Variants in SCN1A observed in about 807,000 individuals in gnomAD.
The protein encoded by SCN1A is sodium channel protein type 1 subunit alpha.
SCN1A carries 13 observed loss-of-function variants against 193.7 expected under a neutral mutation model. The observed-to-expected ratio is 0.07, with a 90% CI of 0.04 to 0.11. SCN1A has a LOEUF of 0.11. Among genes scored for constraint, SCN1A ranks in the 10% least tolerant of loss-of-function variants. SCN1A has a pLI of 1.00. For missense variants in SCN1A, 1,432 were observed against 2,451.1 expected (o/e 0.58, Z 8.78); for synonymous variants, 781 against 843.6 (o/e 0.93, Z 1.29).
chr2:166,070,995 G>C (rs1486090801), intron 4 of SCN1A, among the ~76,000 whole-genome samples: 1 of 152,192 alleles, frequency 6.6e-6, no homozygotes, highest in African/African-American at 2.4e-5. Flanking sequence ...TGAGGACCCG[G>C]TGTCTGGGGG....
rs1574202373 is a variant in SCN1A, at chr2:166,041,303, A to G, written c.2343T>C (p.Asn781=). The stretch of plus-strand genomic sequence containing the variant: ...AGTGCTCCATGGCCATGAAAAGAGT[A>G]TTTAAGACAATACAGATGGTGATGG... The part of the protein sequence containing the change: ...DLAITICIVL[N]TLFMAMEHYP... Residue 781 remains asparagine, a synonymous_variant, in exon 16 of 29, where the codon AAT becomes AAC. Coordinates refer to ENST00000674923, the MANE Select transcript of SCN1A (RefSeq NM_001165963.4). 6.2e-7 allele frequency: 1 copy of G among 1,614,116 alleles called. No homozygotes were observed. The highest frequency in any genetic ancestry group is 1.1e-5 in the South Asian group (1 of 91,080).
rs1696356533 is a variant in SCN1A at position 166,036,295 on chromosome 2, C to A, written c.3182G>T (p.Cys1061Phe). 1 of 1,613,812 alleles carries A rather than the reference C, an allele frequency of 6.2e-7. No homozygotes were observed. The highest frequency in any genetic ancestry group is 8.5e-7 in the Non-Finnish European group (1 of 1,179,828). Reference sequence around the variant, plus strand: ...AATTTCTGCTGTATGATTGGACATACAACTGTCTTTCTTGTTGTTTAGATC... The same window carrying A: ...AATTTCTGCTGTATGATTGGACATAAAACTGTCTTTCTTGTTGTTTAGATC... ...LDDLNNKKDS[C>F]MSNHTAEIGK... The change falls in exon 19 of 29, where the codon TGT becomes TTT. Residue 1061 changes from cysteine to phenylalanine, a missense_variant. Physicochemically the swap from Cys to Phe is radical, Grantham distance 205 (BLOSUM62 -2). Around this residue, in one of 18 missense-constraint regions of SCN1A, gnomAD observed 198 missense variants for 225.8 expected, o/e 0.88. Transcript: ENST00000674923.
rs1688768123 is a variant in SCN1A, at chr2:165,988,826, T to C, written c.*2419A>G. 1 of 152,066 alleles carries C rather than the reference T, an allele frequency of 6.6e-6. No homozygotes were observed. The highest frequency in any genetic ancestry group is 1.5e-5 in the Non-Finnish European group (1 of 68,034). 9.4% of individuals were successfully genotyped at this position (152,066 alleles called of 1,614,324 possible). A position where few individuals can be genotyped will look rare whatever the true frequency, so the allele number is the denominator to read the frequency against. On this transcript the variant is annotated 3_prime_UTR_variant, in exon 29 of 29. Coordinates refer to ENST00000674923, the MANE Select transcript of SCN1A (RefSeq NM_001165963.4). ...AAATTTTTAAATGATGATTTAAGGG[T>C]TTCTTTTCATAGCTCAAGGGGTCAT...
chr2:166,075,072 G>T (rs776986699), intron 3 of SCN1A, among the ~76,000 whole-genome samples: 9 of 152,016 alleles, frequency 5.9e-5, no homozygotes, highest in Non-Finnish European at 1.2e-4. Flanking sequence ...CCCCTACAAG[G>T]CATCAGGAAA....
chr2:166,144,288 G>C (rs546546530), intron 1 of SCN1A, among the ~76,000 whole-genome samples: 1 of 152,310 alleles, frequency 6.6e-6, no homozygotes, highest in African/African-American at 2.4e-5. Context: ...CTGTTGCTAT[G>C]TTCTGCATTT....
At chr2:166,070,994 G>A (rs766857248) in intron 4 of SCN1A, among the ~76,000 whole-genome samples, 17 of 152,134 alleles carry the variant, frequency 1.1e-4, no homozygotes, top group Non-Finnish European at 2.1e-4. Flanking sequence ...GTGAGGACCC[G>A]GTGTCTGGGG....
At chr2:165,994,736 T>A (rs1010334915) in intron 27 of SCN1A, among the ~76,000 whole-genome samples, 4 of 151,774 alleles carry the variant, frequency 2.6e-5, no homozygotes, top group Admixed American at 2.0e-4. Context: ...ATATCAACAT[T>A]TTAAGATTAT....
At chr2:166,132,034 C>T (rs2106288126), upstream of SCN1A, among the ~76,000 whole-genome samples, 1 of 152,208 alleles carries the variant, frequency 6.6e-6, no homozygotes, top group Non-Finnish European at 1.5e-5. Flanking sequence ...GCTGGGTCTC[C>T]CCTCTCTTCC....
intron 2 of SCN1A, among the ~76,000 whole-genome samples, chr2:166,119,296 A>G (rs1392441285): frequency 2.6e-5 from 4 of 152,096 alleles, no homozygotes; most frequent in South Asian, 2.1e-4. Context: ...ACATCTCCAA[A>G]TGCAGCATTC....
At chr2:166,101,597 T>G (rs1459667573) in intron 2 of SCN1A, among the ~76,000 whole-genome samples, 1 of 151,234 alleles carries the variant, frequency 6.6e-6, no homozygotes, top group Non-Finnish European at 1.5e-5. Flanking sequence ...GTTCTGATCT[T>G]GAACACAATC....
chr2:166,097,818 C>T (rs958334864), intron 2 of SCN1A, among the ~76,000 whole-genome samples: 5 of 152,182 alleles, frequency 3.3e-5, no homozygotes, highest in African/African-American at 1.2e-4. Context: ...TAGCTTCAAG[C>T]AATCCTTCCA....
chr2:166,061,416 C>T (rs908820025), intron 4 of SCN1A, among the ~76,000 whole-genome samples: 7 of 151,938 alleles, frequency 4.6e-5, no homozygotes, highest in Admixed American at 1.3e-4. Context: ...AGACAAAAAT[C>T]GGGGAAAGGT....
rs1355869713 is a variant in SCN1A, at chr2:165,989,357, T to G, written c.*1888A>C. On this transcript the variant is annotated 3_prime_UTR_variant, in exon 29 of 29. Transcript: ENST00000674923. ...GATGTAATTGACTATATAAGTTGAC[T>G]ACTCTGTTTTTGTGGAAAAAAAAAT... 6.6e-6 allele frequency: 1 copy of G among 152,460 alleles called. No individual in the cohort carries two copies. The highest frequency in any genetic ancestry group is 1.5e-5 in the Non-Finnish European group (1 of 67,996). 9.4% of individuals were successfully genotyped at this position (152,460 alleles called of 1,614,324 possible). A position where few individuals can be genotyped will look rare whatever the true frequency, so the allele number is the denominator to read the frequency against.
At chr2:166,062,358 T>C (rs1016036780) in intron 4 of SCN1A, among the ~76,000 whole-genome samples, 1 of 152,184 alleles carries the variant, frequency 6.6e-6, no homozygotes, top group African/African-American at 2.4e-5. Context: ...ATTTAGAATG[T>C]CAGTCTTATT....
At chr2:166,084,687 T>G (rs1685910791) in intron 2 of SCN1A, among the ~76,000 whole-genome samples, 1 of 152,130 alleles carries the variant, frequency 6.6e-6, no homozygotes, top group African/African-American at 2.4e-5. Flanking sequence ...GATAACCATT[T>G]TGGTAAAATA....
chr2:165,990,811 A>G lies in SCN1A; in HGVS notation c.*434T>C, dbSNP rs1448314160. ...TCGTTTACAAAAATAGTCACATATAATAAACACATGGATTAACAAAAAGAT... is the reference window on the plus strand; with the variant it reads ...TCGTTTACAAAAATAGTCACATATAGTAAACACATGGATTAACAAAAAGAT... On this transcript the variant is annotated 3_prime_UTR_variant, in exon 29 of 29. Transcript: ENST00000674923. The G allele has an allele frequency of 5.4e-6, 1 of 184,236 alleles. No homozygotes were observed. Among genetic ancestry groups the G allele is most frequent in the Non-Finnish European group, 1.2e-5 (1 of 86,588 alleles). The allele number at this position is 184,236 out of a possible 1,614,324, so 11.4% of individuals were successfully genotyped here. A position where few individuals can be genotyped will look rare whatever the true frequency, so the allele number is the denominator to read the frequency against.
intron 12 of SCN1A, 74 bp downstream of exon 12, chr2:166,046,696 A>C: frequency 2.1e-4 from 279 of 1,334,048 alleles, no homozygotes; most frequent in Non-Finnish European, 2.7e-4. Flanking sequence ...GCTCTTAGGT[A>C]CTCACTTTCT....
intron 2 of SCN1A, among the ~76,000 whole-genome samples, chr2:166,087,120 G>A (rs1157423912): frequency 6.6e-6 from 1 of 150,752 alleles, no homozygotes; most frequent in Non-Finnish European, 1.5e-5. Flanking sequence ...CATTCTCACT[G>A]TAACGAGTGA....
In SCN1A at chr2:166,073,403, C is replaced by G. The variant is rs1368680514; in HGVS notation, c.219G>C (p.Val73=). ...FIYGDIPPEM[V]SEPLEDLDPY... Reference sequence around the variant, plus strand: ...GGTCCAGGTCCTCCAGGGGCTCTGACACCATCTCTGGAGGAATGTCTCCAT... The same window carrying G: ...GGTCCAGGTCCTCCAGGGGCTCTGAGACCATCTCTGGAGGAATGTCTCCAT... The change falls in exon 4 of 29, where the codon GTG becomes GTC. Residue 73 remains valine, a synonymous_variant. Coordinates refer to ENST00000674923, the MANE Select transcript of SCN1A (RefSeq NM_001165963.4). The G allele has an allele frequency of 1.2e-6, 2 of 1,614,050 alleles. No individual in the cohort carries two copies. The highest frequency in any genetic ancestry group is 4.5e-5 in the East Asian group (2 of 44,890).
Sources: allele counts gnomAD v4.1 joint callset (sites outside exome capture counted in the v4.1 genomes callset), GRCh38; gene constraint gnomAD v4.1.1; regional missense constraint gnomAD v4.1.1; transcripts MANE v1.5; gene names NCBI Gene and HGNC (gene_info 2026-07-23, HGNC 2026-07-21).